The following ST6GALNAC3 variants were observed in gnomAD, a reference collection of about 807,000 sequenced individuals.
ST6GALNAC3 encodes alpha-N-acetylgalactosaminide alpha-2,6-sialyltransferase 3.
ST6GALNAC3 carries 25 observed loss-of-function variants against 32.7 expected under a neutral mutation model. The observed-to-expected ratio is 0.76, with a 90% confidence interval of 0.56 to 1.07. The LOEUF (loss-of-function observed/expected upper bound fraction) is 1.07. ST6GALNAC3 is among the 50% of genes least tolerant of loss of function. The probability of loss-of-function intolerance (pLI) is 0.00; values close to 1 mark genes in which losing one functional copy is unlikely to be tolerated. For synonymous variants in ST6GALNAC3, 129 were observed against 133.1 expected, an observed-to-expected ratio of 0.97 and a Z score of 0.21; for missense variants, 355 against 382.4, an observed-to-expected ratio of 0.93 and a Z score of 0.60.
At chr1:76,166,573 C>T (rs997340926) in intron 1 of ST6GALNAC3, among the ~76,000 whole-genome samples, 4 of 152,168 alleles carry the variant, frequency 2.6e-5, no homozygotes, top group Admixed American at 2.6e-4. Context: ...AGCATTGAAT[C>T]TATAAAATAC....
chr1:76,475,536 C>G (rs949768414), intron 3 of ST6GALNAC3, among the ~76,000 whole-genome samples: 3 of 152,020 alleles, frequency 2.0e-5, no homozygotes, highest in African/African-American at 7.3e-5. Flanking sequence ...GGAATGTTTA[C>G]AATAAGAAAC....
chr1:76,292,542 G>A (rs1660159069), intron 1 of ST6GALNAC3, among the ~76,000 whole-genome samples: 1 of 152,168 alleles, frequency 6.6e-6, no homozygotes, highest in Non-Finnish European at 1.5e-5. Context: ...AAGTAAGATT[G>A]GCTTACTTGT....
intron 1 of ST6GALNAC3, among the ~76,000 whole-genome samples, chr1:76,220,245 C>A (rs924864831): frequency 3.9e-5 from 6 of 152,052 alleles, no homozygotes; most frequent in Admixed American, 1.3e-4. Flanking sequence ...TAGATGACTT[C>A]TTGAAGAATT....
chr1:76,567,418 C>T (rs1308970293), intron 3 of ST6GALNAC3, among the ~76,000 whole-genome samples: 1 of 152,126 alleles, frequency 6.6e-6, no homozygotes, highest in Non-Finnish European at 1.5e-5. Context: ...TTGTTATTTA[C>T]TTATGACATT....
At chr1:76,098,460 G>T (rs1647170192) in intron 1 of ST6GALNAC3, among the ~76,000 whole-genome samples, 1 of 152,120 alleles carries the variant, frequency 6.6e-6, no homozygotes, top group Admixed American at 6.5e-5. Context: ...TTAAACTTTT[G>T]CCATTCTGTT....
chr1:76,338,057 C>T (rs929907995), intron 2 of ST6GALNAC3, among the ~76,000 whole-genome samples: 2 of 152,086 alleles, frequency 1.3e-5, no homozygotes, highest in African/African-American at 4.8e-5. Context: ...AGCTGCCCTG[C>T]GTGGGGGAAC....
chr1:76,299,333 A>G (rs923548355), intron 1 of ST6GALNAC3, among the ~76,000 whole-genome samples: 1 of 152,028 alleles, frequency 6.6e-6, no homozygotes, highest in Non-Finnish European at 1.5e-5. Context: ...TATATTTTCT[A>G]GTTTGTGTGC....
intron 3 of ST6GALNAC3, among the ~76,000 whole-genome samples, chr1:76,620,528 A>T (rs1648569599): frequency 6.6e-6 from 1 of 152,058 alleles, no homozygotes; most frequent in Non-Finnish European, 1.5e-5. Context: ...GTTTCTGGTG[A>T]AGGCTCTCTT....
intron 1 of ST6GALNAC3, among the ~76,000 whole-genome samples, chr1:76,107,914 A>T (rs1647649948): frequency 6.6e-6 from 1 of 152,162 alleles, no homozygotes; most frequent in African/African-American, 2.4e-5. Flanking sequence ...TTTTGTCGGT[A>T]GACATTTATA....
chr1:76,288,214 G>A (rs577079450), intron 1 of ST6GALNAC3, among the ~76,000 whole-genome samples: 49 of 152,304 alleles, frequency 3.2e-4, no homozygotes, highest in Non-Finnish European at 6.3e-4. Flanking sequence ...AAATCACAGC[G>A]GAAGCTTGGT....
chr1:76,132,946 C>T (rs1649709668), intron 1 of ST6GALNAC3, among the ~76,000 whole-genome samples: 1 of 152,066 alleles, frequency 6.6e-6, no homozygotes, highest in Non-Finnish European at 1.5e-5. Context: ...GCCTTGCTTC[C>T]AAGAAATTCC....
intron 2 of ST6GALNAC3, among the ~76,000 whole-genome samples, chr1:76,398,985 G>A (rs1371979786): frequency 6.6e-6 from 1 of 151,984 alleles, no homozygotes; most frequent in East Asian, 1.9e-4. Context: ...TGAATGATAA[G>A]GACCTTTTCT....
chr1:76,447,219 T>C (rs1211669001), intron 3 of ST6GALNAC3, among the ~76,000 whole-genome samples: 1 of 152,194 alleles, frequency 6.6e-6, no homozygotes, highest in African/African-American at 2.4e-5. Flanking sequence ...TGTTACATTT[T>C]AGCAAAGAGA....
chr1:76,526,527 T>C (rs1200011695), intron 3 of ST6GALNAC3, among the ~76,000 whole-genome samples: 1 of 152,128 alleles, frequency 6.6e-6, no homozygotes, highest in African/African-American at 2.4e-5. Flanking sequence ...GTTGATTTTT[T>C]ATCTTGTTGA....
chr1:76,578,578 T>C (rs542771945), intron 3 of ST6GALNAC3, among the ~76,000 whole-genome samples: 267 of 152,160 alleles, frequency 1.8e-3, no homozygotes, highest in African/African-American at 6.2e-3. Flanking sequence ...CCTAGGAAAC[T>C]GGGAGCTGCT....
At chr1:76,623,976 A>G (rs1271845126) in intron 3 of ST6GALNAC3, among the ~76,000 whole-genome samples, 1 of 151,920 alleles carries the variant, frequency 6.6e-6, no homozygotes, top group Admixed American at 6.6e-5. Flanking sequence ...TTGTATGGAC[A>G]TTAGCTCCAA....
rs554556937 is a variant in ST6GALNAC3 at position 76,412,048 on chromosome 1, A to G, written c.254A>G (p.Asn85Ser). ...TGTGACCTTTGTGCCATAGTGTCAA[A>G]CTCAGGTCAGATGGTTGGCCAGAAG... Reference protein sequence around the residue: ...LDCDLCAIVSNSGQMVGQKVG... With the variant: ...LDCDLCAIVSSSGQMVGQKVG... The change falls in exon 3 of 5, where the codon AAC (asparagine) becomes AGC (serine). Residue 85 changes from asparagine (N) to serine (S), a missense_variant. Asn to Ser is a conservative substitution (Grantham distance 46). Coordinates refer to ENST00000328299, the MANE Select transcript of ST6GALNAC3 (RefSeq NM_152996.4). 6.2e-6 allele frequency: 10 copies of G among 1,613,492 alleles called. No individual in the cohort carries two copies. Among genetic ancestry groups the G allele is most frequent in the Non-Finnish European group, 8.5e-6 (10 of 1,179,744 alleles).
At chr1:76,370,282 A>G (rs1024670500) in intron 2 of ST6GALNAC3, among the ~76,000 whole-genome samples, 1 of 152,146 alleles carries the variant, frequency 6.6e-6, no homozygotes, top group South Asian at 2.1e-4. Flanking sequence ...ACTGACAACT[A>G]TGGGTCTGAA....
chr1:76,286,099 C>T (rs976357025), intron 1 of ST6GALNAC3, among the ~76,000 whole-genome samples: 1 of 152,142 alleles, frequency 6.6e-6, no homozygotes, highest in African/African-American at 2.4e-5. Context: ...TTTCAGCCTC[C>T]CAGGATCAAA....
Sources: gnomAD v4.1 joint callset for allele counts (sites outside exome capture counted in the v4.1 genomes callset) on GRCh38, gnomAD v4.1.1 for gene constraint, MANE v1.5 for transcripts, NCBI Gene and HGNC (gene_info 2026-07-23, HGNC 2026-07-21) for gene names.